RBMS2: variants seen among roughly 807,000 people sequenced by gnomAD.
RBMS2 encodes RNA binding motif single stranded interacting protein 2.
RBMS2 carries 38 observed loss-of-function variants against 58.4 expected under a neutral mutation model. The observed-to-expected ratio is 0.65, with a 90% CI of 0.50 to 0.85. The LOEUF (loss-of-function observed/expected upper bound fraction) is 0.85, where lower values mean the gene tolerates loss of function less well. Among genes scored for constraint, RBMS2 ranks in the 40% least tolerant of loss-of-function variants. The pLI, the probability that RBMS2 is intolerant of heterozygous loss-of-function variation, is 0.00. For missense variants in RBMS2, 367 were observed against 503.7 expected (o/e 0.73, Z 2.60); for synonymous variants, 151 against 180.7 (o/e 0.84, Z 1.32).
At chr12:56,567,381 A>G (rs4759252) in intron 2 of RBMS2, among the ~76,000 whole-genome samples, 137,438 of 145,916 alleles carry the variant, frequency 0.94, 65,156 homozygotes, top group East Asian at 1. Flanking sequence ...GCAAAACTCC[A>G]TCTCAAAAAA....
At chr12:56,523,218 A>G (rs1381486952) in intron 1 of RBMS2, among the ~76,000 whole-genome samples, 4 of 152,308 alleles carry the variant, frequency 2.6e-5, no homozygotes, top group Admixed American at 1.3e-4. Context: ...ATGGGGAGCT[A>G]TAGGTCAGAG....
chr12:56,572,288 CAAAAAAAAA>C (rs34385329), intron 5 of RBMS2, among the ~76,000 whole-genome samples: 151 of 73,098 alleles, frequency 2.1e-3, no homozygotes, highest in African/African-American at 6.6e-3. Context: ...GACTCTGTCT[CAAAAAAAAA>C]AAAAAAAAAA....
At chr12:56,586,019 C>CA (rs149367789) in intron 9 of RBMS2, among the ~76,000 whole-genome samples, 1 of 151,518 alleles carries the variant, frequency 6.6e-6, no homozygotes, top group East Asian at 1.9e-4. Context: ...CCCGTCTCTA[C>CA]AAAAAATACA....
chr12:56,539,028 T>A (rs577756544), intron 1 of RBMS2, among the ~76,000 whole-genome samples: 54 of 108,360 alleles, frequency 5.0e-4, no homozygotes, highest in African/African-American at 1.7e-3. Context: ...TTTTTTTTTT[T>A]TTTTTGAGAC....
At chr12:56,537,860 T>C in intron 1 of RBMS2, among the ~76,000 whole-genome samples, 1 of 152,044 alleles carries the variant, frequency 6.6e-6, no homozygotes, top group Admixed American at 6.6e-5. Flanking sequence ...TTTTTTTTTT[T>C]TTTTTATAAG....
At position 56,526,616 on chromosome 12, in the gene RBMS2, GTTT is replaced by G. The variant is rs925964532; in HGVS notation, c.66+4538_66+4540del. On this transcript the variant is annotated intron_variant, in intron 1 of 13. Coordinates refer to ENST00000262031, the MANE Select transcript of RBMS2 (RefSeq NM_002898.4). The stretch of plus-strand genomic sequence containing the variant: ...GAGGGATTCTGCAAGATAATTTTGT[GTTT>G]TTTTTTTTTTAAACATCAGTTTTAA... 6.2e-5 allele frequency among the ~76,000 whole-genome samples: 6 copies of G among 97,380 alleles called. 1 individual carries two copies. In the East Asian group the frequency reaches 1.7e-3, roughly 28 times the overall value. The allele number at this position is 97,380 out of a possible 152,430, so 63.9% of individuals were successfully genotyped here.
chr12:56,528,192 G>A (rs1873027202), intron 1 of RBMS2, among the ~76,000 whole-genome samples: 2 of 151,360 alleles, frequency 1.3e-5, no homozygotes, highest in African/African-American at 4.9e-5. Flanking sequence ...CGAGGCTACA[G>A]TGAGCCATGA....
At chr12:56,549,074 T>C (rs569896273) in intron 1 of RBMS2, among the ~76,000 whole-genome samples, 4 of 152,258 alleles carry the variant, frequency 2.6e-5, no homozygotes, top group African/African-American at 7.2e-5. Context: ...TCTCGGCTCA[T>C]TGCAACCTCC....
intron 1 of RBMS2, among the ~76,000 whole-genome samples, chr12:56,528,858 A>C (rs1362583294): frequency 6.6e-6 from 1 of 151,864 alleles, no homozygotes; most frequent in Non-Finnish European, 1.5e-5. Context: ...GCTTGAGCCC[A>C]GGAGGTCAAG....
chr12:56,569,872 CT>C (rs767840622), intron 3 of RBMS2, 26 bp from the exon 4 acceptor site: 1 of 1,574,724 alleles, frequency 6.4e-7, no homozygotes, highest in Non-Finnish European at 8.7e-7. Context: ...CTCCCACTTC[CT>C]AGTGATGCTG....
At chr12:56,581,071 T>A in intron 5 of RBMS2, 113 bp from the exon 6 acceptor site, 1 of 876,682 alleles carries the variant, frequency 1.1e-6, no homozygotes, top group Non-Finnish European at 1.9e-6. Context: ...TCTGTAGTCA[T>A]AACATTTGGA....
chr12:56,590,889 T>C lies in RBMS2; in HGVS notation c.*1756T>C, dbSNP rs1461284685. ...CAGGGAACCAGGACATCAGAAATAA[T>C]GTTCCTTCTGTGGAAGGACAACGGG... On this transcript the variant is annotated 3_prime_UTR_variant, in exon 14 of 14. Coordinates refer to ENST00000262031, the MANE Select transcript of RBMS2 (RefSeq NM_002898.4). 6.6e-6 allele frequency: 1 copy of C among 152,196 alleles called. No homozygotes were observed. 9.4% of individuals were successfully genotyped at this position (152,196 alleles called of 1,614,324 possible).
At chr12:56,556,955 CA>C (rs1565751478) in intron 1 of RBMS2, among the ~76,000 whole-genome samples, 1 of 152,124 alleles carries the variant, frequency 6.6e-6, no homozygotes, top group Non-Finnish European at 1.5e-5. Context: ...TTACAGTCAG[CA>C]AAAACACTGT....
In RBMS2 at chr12:56,595,726, T is replaced by C. The variant is rs957087793; in HGVS notation, c.*6593T>C. 27 of 152,648 alleles carry C rather than the reference T, an allele frequency of 1.8e-4. No individual in the cohort carries two copies. Among genetic ancestry groups the C allele is most frequent in the African/African-American group, 6.0e-4 (25 of 41,552 alleles). 9.5% of individuals were successfully genotyped at this position (152,648 alleles called of 1,614,324 possible). A position where few individuals can be genotyped will look rare whatever the true frequency, so the allele number is the denominator to read the frequency against. On this transcript the variant is annotated 3_prime_UTR_variant, in exon 14 of 14. Transcript: ENST00000262031. ...CACATCTCACAAGGCAGGACCTGGA[T>C]GCACTGAATCCCCCTTTGCTCCAGC...
At chr12:56,574,743 A>G (rs1350261546) in intron 5 of RBMS2, among the ~76,000 whole-genome samples, 1 of 152,252 alleles carries the variant, frequency 6.6e-6, no homozygotes, top group African/African-American at 2.4e-5. Context: ...TATGATTTCC[A>G]GCAAATTATA....
Position 56,594,811 on chromosome 12 carries a change from C to T in RBMS2, c.*5678C>T, listed in dbSNP as rs1181066807. ...AAGCAGATCCCCAAACTTCCTTGTC[C>T]TTGTTACACGTCTACCTCACAACCT... On this transcript the variant is annotated 3_prime_UTR_variant, in exon 14 of 14. Transcript: ENST00000262031. The T allele has an allele frequency of 1.3e-5, 2 of 152,246 alleles. No individual in the cohort carries two copies. Among genetic ancestry groups the T allele is most frequent in the Non-Finnish European group, 2.9e-5 (2 of 68,068 alleles). The allele number at this position is 152,246 out of a possible 1,614,324, so 9.4% of individuals were successfully genotyped here.
chr12:56,585,084 A>G (rs1439900311), intron 9 of RBMS2, among the ~76,000 whole-genome samples: 1 of 152,062 alleles, frequency 6.6e-6, no homozygotes, highest in Non-Finnish European at 1.5e-5. Context: ...CGGCCTCCCA[A>G]AGTGTTGGGA....
chr12:56,539,009 G>T lies in RBMS2; in HGVS notation c.66+16920G>T, dbSNP rs562653426. On this transcript the variant is annotated intron_variant, in intron 1 of 13. Transcript: ENST00000262031. Reference sequence around the variant, plus strand: ...TTCGTTGTTAGTTATATAAAATTCAGAAATTCTTTTTTTTTTTTTTTTTTG... The same window carrying T: ...TTCGTTGTTAGTTATATAAAATTCATAAATTCTTTTTTTTTTTTTTTTTTG... Among the ~76,000 whole-genome samples the T allele has an allele frequency of 3.7e-3, 449 of 120,970 alleles. 2 individuals are homozygous for T. Among genetic ancestry groups the T allele is most frequent in the African/African-American group, 0.012 (435 of 34,838 alleles). 79.4% of individuals were successfully genotyped at this position (120,970 alleles called of 152,430 possible).
rs748112921 is a variant in RBMS2, at chr12:56,586,880, C to T, written c.905C>T (p.Pro302Leu). 2 of 1,613,904 alleles carry T rather than the reference C, an allele frequency of 1.2e-6. No individual in the cohort carries two copies. The highest frequency in any genetic ancestry group is 3.3e-5 in the Admixed American group (2 of 60,010). The change falls in exon 10 of 14, where the codon CCT becomes CTT. Residue 302 changes from proline (P) to leucine (L), a missense_variant. This residue lies in a region of RBMS2 where 220 missense variants were observed against 261.1 expected (regional missense o/e 0.84). Transcript: ENST00000262031. ...ACTCAGACATCTCCTCTACAAGTACCTAACCCATCCTGGATGCACCACCAT... is the reference window on the plus strand; with the variant it reads ...ACTCAGACATCTCCTCTACAAGTACTTAACCCATCCTGGATGCACCACCAT... The part of the protein sequence containing the change: ...RVTQTSPLQV[P>L]NPSWMHHHSY...
Sources: gnomAD v4.1 joint callset for allele counts (sites outside exome capture counted in the v4.1 genomes callset) on GRCh38, gnomAD v4.1.1 for gene constraint, gnomAD v4.1.1 regional missense constraint, MANE v1.5 for transcripts, NCBI Gene and HGNC (gene_info 2026-07-23, HGNC 2026-07-21) for gene names.